The following AGAP1 variants were observed in gnomAD, a reference collection of about 807,000 sequenced individuals.
The protein encoded by AGAP1 is ArfGAP with GTPase domain, ankyrin repeat and PH domain 1.
Under a neutral mutation model 105.3 loss-of-function variants are expected in AGAP1, and 29 were observed. The ratio of observed to expected loss-of-function variants is 0.28; its 90% confidence interval spans 0.21 to 0.38. The LOEUF is 0.38. AGAP1 is among the 10% of genes least tolerant of loss of function. AGAP1 has a pLI of 1.00. For missense variants in AGAP1, 998 were observed against 1,165.1 expected (o/e 0.86, Z 2.09); for synonymous variants, 509 against 485.9 (o/e 1.05, Z -0.63).
intron 3 of AGAP1, among the ~76,000 whole-genome samples, chr2:235,718,984 A>G (rs1447572683): frequency 1.3e-5 from 2 of 152,068 alleles, no homozygotes; most frequent in Admixed American, 6.6e-5. Flanking sequence ...AGCTGGTGAC[A>G]CCTTTTAGAG....
Position 235,700,669 on chromosome 2 carries a change from G to A in AGAP1, c.164-8510G>A, listed in dbSNP as rs1286266478. Among the ~76,000 whole-genome samples the A allele has an allele frequency of 7.9e-5, 12 of 151,828 alleles. No individual in the cohort carries two copies. Among genetic ancestry groups the A allele is most frequent in the Non-Finnish European group, 1.3e-4 (9 of 67,976 alleles). On this transcript the variant is annotated intron_variant, in intron 1 of 17. Coordinates refer to ENST00000304032, the MANE Select transcript of AGAP1 (RefSeq NM_001037131.3). This position sits in a 1 kb window ranked among gnomAD's most constrained non-coding sequence, Gnocchi z 6.1. ...ACAAAAATTAGCCAGGCATGGTAGC[G>A]CGTGCCTGTAGTCCCAGCTACTCAA...
chr2:236,057,335 C>G (rs2058077251), intron 16 of AGAP1, among the ~76,000 whole-genome samples: 1 of 152,208 alleles, frequency 6.6e-6, no homozygotes, highest in Admixed American at 6.5e-5. Flanking sequence ...TCTCAAACTC[C>G]TGACCTCAGG....
At position 235,777,192 on chromosome 2, in the gene AGAP1, A is replaced by T. The variant is rs1183858495; in HGVS notation, c.674-20567A>T. On this transcript the variant is annotated intron_variant, in intron 6 of 17. Transcript: ENST00000304032. The surrounding 1 kb of genome is among the most constrained non-coding windows in gnomAD (Gnocchi z 5.1). ...GCTAACACAGTGAAACCCTGTCTCT[A>T]CTAAAAATACAAAAAATTAGCCAGG... Among the ~76,000 whole-genome samples the T allele has an allele frequency of 6.6e-6, 1 of 152,232 alleles. No homozygotes were observed. Among genetic ancestry groups the T allele is most frequent in the Non-Finnish European group, 1.5e-5 (1 of 68,038 alleles).
At chr2:235,649,138 C>T (rs13402528) in intron 1 of AGAP1, among the ~76,000 whole-genome samples, 108,375 of 151,986 alleles carry the variant, frequency 0.71, 38,713 homozygotes, top group East Asian at 0.8. Flanking sequence ...CTCTCTGGGA[C>T]GGGCAGTGGG....
rs112243783 is a variant in AGAP1, at chr2:236,062,950, G to A, written c.2114+13669G>A. Among the ~76,000 whole-genome samples, 16 of 152,032 alleles carry A rather than the reference G, an allele frequency of 1.1e-4. No homozygotes were observed. The highest frequency in any genetic ancestry group is 1.4e-4 in the African/African-American group (6 of 41,506). ...GCTGGGATTACAAGTATGAGCCACC[G>A]TGCCTGGCCATCAGCTATTTTTTTA... On this transcript the variant is annotated intron_variant, in intron 16 of 17. Transcript: ENST00000304032. The surrounding 1 kb of genome is among the most constrained non-coding windows in gnomAD (Gnocchi z 4.2).
rs1384879782 is a variant in AGAP1, at chr2:235,843,477, A to G, written c.1050+36146A>G. On this transcript the variant is annotated intron_variant, in intron 9 of 17. Transcript: ENST00000304032. This position sits in a 1 kb window ranked among gnomAD's most constrained non-coding sequence, Gnocchi z 5.9. ...TTTTCTGGGGCCAGGGAGCAATGTT[A>G]CCATTTCCAGAAAAGCAGTCCAGCT... Among the ~76,000 whole-genome samples the G allele has an allele frequency of 2.0e-5, 3 of 151,958 alleles. No homozygotes were observed. Among genetic ancestry groups the G allele is most frequent in the Non-Finnish European group, 4.4e-5 (3 of 67,992 alleles).
In AGAP1 at chr2:235,900,510, C is replaced by T. The variant is rs575147138; in HGVS notation, c.1156-8228C>T. ...TCACTAGGGGTGATGGTGAGTGGTG[C>T]CACTTCCATTTCTGCCCCTTGATTC... On this transcript the variant is annotated intron_variant, in intron 10 of 17. Coordinates refer to ENST00000304032, the MANE Select transcript of AGAP1 (RefSeq NM_001037131.3). The surrounding 1 kb of genome is among the most constrained non-coding windows in gnomAD (Gnocchi z 5.5). 6.6e-6 allele frequency among the ~76,000 whole-genome samples: 1 copy of T among 151,942 alleles called. No individual in the cohort carries two copies.
At chr2:235,764,619 G>C (rs1954759407) in intron 6 of AGAP1, among the ~76,000 whole-genome samples, 1 of 152,204 alleles carries the variant, frequency 6.6e-6, no homozygotes. Context: ...AGTCGGCTCG[G>C]CTGCCTGCAT....
Position 235,942,036 on chromosome 2 carries a change from A to G in AGAP1, c.1483+11113A>G, listed in dbSNP as rs142868834. Among the ~76,000 whole-genome samples, 850 of 152,292 alleles carry G rather than the reference A, an allele frequency of 5.6e-3. 8 individuals are homozygous for G. The highest frequency in any genetic ancestry group is 0.019 in the African/African-American group (806 of 41,572). ...CCATCCTCCCTGCACTCCTCTTGAA[A>G]TAGGCCTGAGCATTCCTCTAGACTC... On this transcript the variant is annotated intron_variant, in intron 12 of 17. Transcript: ENST00000304032.
rs1959218712 is a variant in AGAP1 at position 235,830,374 on chromosome 2, T to C, written c.1050+23043T>C. Among the ~76,000 whole-genome samples, 1 of 152,228 alleles carries C rather than the reference T, an allele frequency of 6.6e-6. No homozygotes were observed. Among genetic ancestry groups the C allele is most frequent in the African/African-American group, 2.4e-5 (1 of 41,462 alleles). The stretch of plus-strand genomic sequence containing the variant: ...ATAGATGTGTGCTGTCACTTAGCAG[T>C]GTCCACTGTCTTTCTTCAAATCAAG... On this transcript the variant is annotated intron_variant, in intron 9 of 17. Transcript: ENST00000304032. This position sits in a 1 kb window ranked among gnomAD's most constrained non-coding sequence, Gnocchi z 5.5.
intron 1 of AGAP1, among the ~76,000 whole-genome samples, chr2:235,565,347 C>G (rs1944315158): frequency 6.6e-6 from 1 of 152,244 alleles, no homozygotes; most frequent in African/African-American, 2.4e-5. Context: ...CATTTTAAAC[C>G]AAGGTGAAGA....
At chr2:235,763,474 C>G (rs909231774) in intron 6 of AGAP1, among the ~76,000 whole-genome samples, 2 of 152,274 alleles carry the variant, frequency 1.3e-5, no homozygotes, top group Admixed American at 6.5e-5. Context: ...TTTTATCCCT[C>G]TGTATTTGAT....
chr2:235,776,596 C>T (rs1955881237), intron 6 of AGAP1, among the ~76,000 whole-genome samples: 1 of 152,144 alleles, frequency 6.6e-6, no homozygotes, highest in African/African-American at 2.4e-5. Context: ...CAGTGCAGGG[C>T]GCCAGTATTT....
chr2:235,648,932 C>T (rs1360597345), intron 1 of AGAP1, among the ~76,000 whole-genome samples: 3 of 151,532 alleles, frequency 2.0e-5, no homozygotes, highest in South Asian at 2.1e-4. Flanking sequence ...CGCAGGACTT[C>T]GGAAGCAGGG....
intron 6 of AGAP1, among the ~76,000 whole-genome samples, chr2:235,791,794 G>A (rs1453123580): frequency 6.6e-6 from 1 of 152,114 alleles, no homozygotes; most frequent in South Asian, 2.1e-4. Context: ...TGATCTGCCC[G>A]CCTCAGCCTC....
Position 235,566,291 on chromosome 2 carries a change from A to G in AGAP1, c.163+71442A>G, listed in dbSNP as rs563269224. On this transcript the variant is annotated intron_variant, in intron 1 of 17. Coordinates refer to ENST00000304032, the MANE Select transcript of AGAP1 (RefSeq NM_001037131.3). The surrounding 1 kb of genome is among the most constrained non-coding windows in gnomAD (Gnocchi z 5.2). ...TTTTTAGTACAGACGGAGTTTCTCC[A>G]TGTTTGTCAGGCTGGTCTCGAACTG... Among the ~76,000 whole-genome samples, 4 of 152,172 alleles carry G rather than the reference A, an allele frequency of 2.6e-5. No homozygotes were observed. The highest frequency in any genetic ancestry group is 2.6e-4 in the Admixed American group (4 of 15,286).
At chr2:235,709,877 G>C (rs1254207971) in intron 2 of AGAP1, among the ~76,000 whole-genome samples, 1 of 152,180 alleles carries the variant, frequency 6.6e-6, no homozygotes, top group Non-Finnish European at 1.5e-5. Flanking sequence ...GTCTAACTTT[G>C]AAACAACCAG....
At chr2:235,780,425 T>C (rs1956189077) in intron 6 of AGAP1, among the ~76,000 whole-genome samples, 1 of 152,194 alleles carries the variant, frequency 6.6e-6, no homozygotes, top group African/African-American at 2.4e-5. Flanking sequence ...AGAGATCTTC[T>C]GTCAGTGTGA....
intron 1 of AGAP1, among the ~76,000 whole-genome samples, chr2:235,686,655 A>ATTTTT (rs1949450764): frequency 1.8e-5 from 1 of 55,818 alleles, no homozygotes; most frequent in Non-Finnish European, 3.1e-5. Flanking sequence ...AGATATATAT[A>ATTTTT]TATATATATA....
Sources: gnomAD v4.1 joint callset for allele counts (sites outside exome capture counted in the v4.1 genomes callset) on GRCh38, gnomAD v4.1.1 for gene constraint, Gnocchi (gnomAD v3.1) non-coding constraint, MANE v1.5 for transcripts, NCBI Gene and HGNC (gene_info 2026-07-23, HGNC 2026-07-21) for gene names.